The following ZNF841 variants were observed in gnomAD, a reference collection of about 807,000 sequenced individuals.
ZNF841 encodes TCONS_00006091.
ZNF841 carries 11 observed loss-of-function variants against 13.0 expected under a neutral mutation model. That is an observed-to-expected ratio of 0.85 (90% confidence interval 0.53 to 1.40). The LOEUF is 1.40. ZNF841 is among the 40% of genes most tolerant of loss of function. ZNF841 has a pLI of 0.00. For synonymous variants in ZNF841, 369 were observed against 381.6 expected (o/e 0.97, Z 0.38); for missense variants, 1,068 against 1,139.5 (o/e 0.94, Z 0.90).
chr19:52,059,031 T>C, the ZNF841 span: 2 of 153,368 alleles, frequency 1.3e-5, no homozygotes, highest in African/African-American at 4.8e-5. Flanking sequence ...TAAATCAAGG[T>C]GGTATTTTCA....
At position 52,076,083 on chromosome 19, in the gene ZNF841, T is replaced by A; in HGVS notation, c.232A>T (p.Asn78Tyr). The change falls in exon 6 of 7, where the codon AAC (asparagine) becomes TAC (tyrosine). Residue 78 changes from asparagine to tyrosine, a missense_variant. By Grantham distance (143) the Asn-to-Tyr change is moderately radical. Coordinates refer to ENST00000594440, the MANE Select transcript of ZNF841 (RefSeq NM_001136499.2). Reference protein sequence around the residue: ...TVVSQVKIARNPNCGECMKGV... With the variant: ...TVVSQVKIARYPNCGECMKGV... ...TTCATGCATTCCCCACAGTTTGGGTTCCTCGCTATTTTCACTTGGCTCACC... is the reference window on the plus strand; with the variant it reads ...TTCATGCATTCCCCACAGTTTGGGTACCTCGCTATTTTCACTTGGCTCACC... 1 of 1,553,568 alleles carries A rather than the reference T, an allele frequency of 6.4e-7. No homozygotes were observed. The highest frequency in any genetic ancestry group is 8.7e-7 in the Non-Finnish European group (1 of 1,147,960).
chr19:52,085,060 G>A (rs1018168459), intron 3 of ZNF841, among the ~76,000 whole-genome samples, 182 bp from the exon 4 acceptor site: 2 of 152,010 alleles, frequency 1.3e-5, no homozygotes, highest in African/African-American at 4.8e-5. Context: ...TTCAGAACTT[G>A]TTCCCCTCCC....
chr19:52,085,144 T>A (rs1225072040), intron 3 of ZNF841, among the ~76,000 whole-genome samples: 1 of 152,116 alleles, frequency 6.6e-6, no homozygotes, highest in Non-Finnish European at 1.5e-5. Flanking sequence ...CACAGACCCA[T>A]CCCTGATCAA....
intron 4 of ZNF841, among the ~76,000 whole-genome samples, chr19:52,077,769 G>A (rs6509621): frequency 0.16 from 24,184 of 152,154 alleles, 2,270 homozygotes; most frequent in South Asian, 0.3. Context: ...TGGCTATAAC[G>A]AAATAAGAGA....
intron 2 of ZNF841, among the ~76,000 whole-genome samples, chr19:52,093,198 C>T (rs2088563417): frequency 6.6e-6 from 1 of 152,110 alleles, no homozygotes; most frequent in African/African-American, 2.4e-5. Context: ...TGGAAACAAC[C>T]CAAGTGCCCA....
downstream of ZNF841, among the ~76,000 whole-genome samples, chr19:52,061,472 A>C (rs1274202914): frequency 4.0e-5 from 6 of 151,892 alleles, no homozygotes; most frequent in Non-Finnish European, 8.8e-5. Flanking sequence ...AATCTGTCAA[A>C]CTCCCAGAAC....
chr19:52,087,956 C>T (rs2088336019), intron 3 of ZNF841, among the ~76,000 whole-genome samples: 2 of 151,570 alleles, frequency 1.3e-5, no homozygotes, highest in African/African-American at 2.4e-5. Context: ...CCAACATCTT[C>T]CAAGGAAACT....
intron 1 of ZNF841, 124 bp from the exon 2 acceptor site, chr19:52,094,095 T>C (rs1481614108): frequency 6.6e-6 from 1 of 152,232 alleles, no homozygotes; most frequent in Non-Finnish European, 1.5e-5. Context: ...CCCTCCTTTA[T>C]GCTCTACTCC....
chr19:52,077,542 C>T (rs1409627200), intron 4 of ZNF841, among the ~76,000 whole-genome samples: 5 of 152,194 alleles, frequency 3.3e-5, no homozygotes, highest in Admixed American at 6.5e-5. Context: ...AAAGGATTTA[C>T]GTGTTCTAAC....
chr19:52,094,324 C>A (rs1399130448), intron 1 of ZNF841, among the ~76,000 whole-genome samples: 2 of 152,194 alleles, frequency 1.3e-5, no homozygotes, highest in Non-Finnish European at 2.9e-5. Context: ...CATCCATATC[C>A]AATCAACTGT....
intron 4 of ZNF841, among the ~76,000 whole-genome samples, chr19:52,080,671 C>T (rs921715791): frequency 1.3e-5 from 2 of 152,166 alleles, no homozygotes; most frequent in African/African-American, 4.8e-5. Flanking sequence ...AAGTGCATAT[C>T]TAGTACTACA....
Position 52,067,165 on chromosome 19 carries a change from C to T in ZNF841, c.717G>A (p.Gly239=). ...GVQTNISRKY[G]NDFLQLSLPT... ...GTAACGAAAGTTGCAAAAAATCATT[C>T]CCATATTTCCTAGAAATGTTGGTTT... Residue 239 remains glycine, a synonymous_variant, in exon 7 of 7, where the codon GGG becomes GGA. Coordinates refer to ENST00000594440, the MANE Select transcript of ZNF841 (RefSeq NM_001136499.2). 3 of 1,552,898 alleles carry T rather than the reference C, an allele frequency of 1.9e-6. No homozygotes were observed. The highest frequency in any genetic ancestry group is 1.7e-6 in the Non-Finnish European group (2 of 1,147,496).
At chr19:52,090,695 G>GAAAGA (rs1555782748) in intron 2 of ZNF841, among the ~76,000 whole-genome samples, 1 of 149,582 alleles carries the variant, frequency 6.7e-6, no homozygotes, top group Non-Finnish European at 1.5e-5. Context: ...AAGAAAGAAA[G>GAAAGA]AAAGAAAGAA....
chr19:52,065,839 G>C lies in ZNF841; in HGVS notation c.2043C>G (p.Tyr681Ter). 1 of 1,613,810 alleles carries C rather than the reference G, an allele frequency of 6.2e-7. No homozygotes were observed. Among genetic ancestry groups the C allele is most frequent in the South Asian group, 1.1e-5 (1 of 91,070 alleles). ...HLVIHTGENP[Y>*]HCNEFGEAFI... ...AAGCCTCACCAAATTCATTACAGTG[G>C]TAAGGGTTCTCTCCAGTATGAATTA... Residue 681 changes from tyrosine (Y) to a stop codon, truncating the protein, a stop_gained, in exon 7 of 7, where the codon TAC (tyrosine) becomes TAG (stop). Transcript: ENST00000594440. LOFTEE classifies it low-confidence loss of function (END_TRUNC).
At position 52,066,094 on chromosome 19, in the gene ZNF841, A is replaced by C; in HGVS notation, c.1788T>G (p.Pro596=). 6.2e-7 allele frequency: 1 copy of C among 1,614,050 alleles called. No individual in the cohort carries two copies. The highest frequency in any genetic ancestry group is 1.7e-5 in the Admixed American group (1 of 60,016). The change falls in exon 7 of 7, where the codon CCT becomes CCG. Residue 596 remains proline, a synonymous_variant. Coordinates refer to ENST00000594440, the MANE Select transcript of ZNF841 (RefSeq NM_001136499.2). Reference sequence around the variant, plus strand: ...CCTTGCCACACACATTACATTTGTAAGGTTTCTCTCCGGTATGCATTCTTT... The same window carrying C: ...CCTTGCCACACACATTACATTTGTACGGTTTCTCTCCGGTATGCATTCTTT... ...RHQRMHTGEK[P]YKCNVCGKVF...
chr19:52,063,172 G>A (rs2087433723), downstream of ZNF841, among the ~76,000 whole-genome samples: 2 of 152,066 alleles, frequency 1.3e-5, no homozygotes, highest in South Asian at 4.2e-4. Flanking sequence ...ACCGCATCTG[G>A]CTGAGAAATG....
Position 52,066,541 on chromosome 19 carries a change from G to A in ZNF841, c.1341C>T (p.His447=), listed in dbSNP as rs756849314. 1 of 1,613,292 alleles carries A rather than the reference G, an allele frequency of 6.2e-7. No homozygotes were observed. Among genetic ancestry groups the A allele is most frequent in the South Asian group, 1.1e-5 (1 of 91,026 alleles). The change falls in exon 7 of 7, where the codon CAC becomes CAT. Residue 447 remains histidine (H), a synonymous_variant. Transcript: ENST00000594440. ...GTGTCTCTCCAGTATGAATTATCTG[G>A]TGCCTTACAAGTTGTGAATTCTGAT... The part of the protein sequence containing the change: ...VFYQNSQLVR[H]QIIHTGETPY...
intron 6 of ZNF841, among the ~76,000 whole-genome samples, chr19:52,069,588 T>G (rs1451366706): frequency 6.6e-6 from 1 of 152,186 alleles, no homozygotes; most frequent in African/African-American, 2.4e-5. Flanking sequence ...TGTGATAGTA[T>G]TTGGAAGTGT....
In ZNF841 at chr19:52,065,764, C is replaced by G. The variant is rs1157826321; in HGVS notation, c.2118G>C (p.Glu706Asp). The G allele has an allele frequency of 6.2e-7, 1 of 1,609,106 alleles. No individual in the cohort carries two copies. The highest frequency in any genetic ancestry group is 8.5e-7 in the Non-Finnish European group (1 of 1,177,244). Residue 706 changes from glutamate (E) to aspartate (D), a missense_variant, in exon 7 of 7, where the codon GAG becomes GAC. By Grantham distance (45) the Glu-to-Asp change is conservative. Coordinates refer to ENST00000594440, the MANE Select transcript of ZNF841 (RefSeq NM_001136499.2). ...LARYHRNPTG[E>D]KPHKCSECGR... ...CACATTCACTACATTTGTGTGGTTTCTCCCCAGTAGGATTTCTGTGATATC... is the reference window on the plus strand; with the variant it reads ...CACATTCACTACATTTGTGTGGTTTGTCCCCAGTAGGATTTCTGTGATATC...
Sources: allele counts gnomAD v4.1 joint callset (sites outside exome capture counted in the v4.1 genomes callset), GRCh38; gene constraint gnomAD v4.1.1; transcripts MANE v1.5; gene names NCBI Gene and HGNC (gene_info 2026-07-23, HGNC 2026-07-21).